RNF169: variants seen among roughly 807,000 people sequenced by gnomAD.
The protein encoded by RNF169 is E3 ubiquitin-protein ligase RNF169.
In RNF169, 24 loss-of-function variants were observed where a neutral mutation model predicts 53.9. The observed-to-expected ratio is 0.45, with a 90% CI of 0.32 to 0.63. The LOEUF (loss-of-function observed/expected upper bound fraction) is 0.63, where lower values mean the gene tolerates loss of function less well. Ranked by LOEUF, RNF169 falls within the 20% of genes least tolerant of loss-of-function variation. The pLI, the probability that RNF169 is intolerant of heterozygous loss-of-function variation, is 0.04. For missense variants in RNF169, 883 were observed against 906.2 expected (o/e 0.97, Z 0.33); for synonymous variants, 396 against 363.5 (o/e 1.09, Z -1.02).
chr11:74,836,568 C>G lies in RNF169; in HGVS notation c.1965C>G (p.Val655=). 6.2e-7 allele frequency: 1 copy of G among 1,614,080 alleles called. No individual in the cohort carries two copies. The highest frequency in any genetic ancestry group is 1.1e-5 in the South Asian group (1 of 91,064). The change falls in exon 6 of 6, where the codon GTC becomes GTG. Residue 655 remains valine (V), a synonymous_variant. Transcript: ENST00000299563. ...TGGGTCTGGCCCCAACAGACCCAGT[C>G]CTGCGAGAGATGGAGCAGAAGCTTC... ...GEVGLAPTDP[V]LREMEQKLQQ...
chr11:74,768,128 G>A (rs2035202583), intron 1 of RNF169, among the ~76,000 whole-genome samples: 1 of 152,172 alleles, frequency 6.6e-6, no homozygotes, highest in Admixed American at 6.5e-5. Flanking sequence ...TGAAGTATTG[G>A]TATCAGGGTG....
At chr11:74,832,952 G>C (rs2036201604) in intron 4 of RNF169, among the ~76,000 whole-genome samples, 1 of 152,058 alleles carries the variant, frequency 6.6e-6, no homozygotes, top group Admixed American at 6.6e-5. Flanking sequence ...TGCTTTTATA[G>C]GGGGATGTTG....
In RNF169 at chr11:74,835,565, C is replaced by T; in HGVS notation, c.962C>T (p.Ala321Val). Residue 321 changes from alanine (A) to valine (V), a missense_variant, in exon 6 of 6, where the codon GCC becomes GTC. Transcript: ENST00000299563. ...NKAKVTTMTP[A>V]SNPIIGVLLS... is the part of the protein sequence containing the mutation. ...TTTCAGGTCACAACTATGACTCCAG[C>T]CTCCAACCCCATCATTGGTGTCCTC... 6.2e-7 allele frequency: 1 copy of T among 1,613,848 alleles called. No homozygotes were observed. Among genetic ancestry groups the T allele is most frequent in the Non-Finnish European group, 8.5e-7 (1 of 1,179,798 alleles).
Position 74,835,891 on chromosome 11 carries a change from A to T in RNF169, c.1288A>T (p.Ile430Phe). 2 of 1,614,186 alleles carry T rather than the reference A, an allele frequency of 1.2e-6. No homozygotes were observed. The highest frequency in any genetic ancestry group is 1.7e-6 in the Non-Finnish European group (2 of 1,180,022). Reference sequence around the variant, plus strand: ...GACTTCTTATGAGGCCAGTCCACGGATCCTCAAAAAGTGGGAACAGATCTT... The same window carrying T: ...GACTTCTTATGAGGCCAGTCCACGGTTCCTCAAAAAGTGGGAACAGATCTT... ...KQTSYEASPR[I>F]LKKWEQIFQE... Residue 430 changes from isoleucine (I) to phenylalanine (F), a missense_variant, in exon 6 of 6, where the codon ATC becomes TTC. Transcript: ENST00000299563.
At chr11:74,815,565 A>AT (rs1188003976) in intron 3 of RNF169, among the ~76,000 whole-genome samples, 3 of 152,214 alleles carry the variant, frequency 2.0e-5, no homozygotes, top group Non-Finnish European at 4.4e-5. Context: ...CCAAAAAAAA[A>AT]GGAACTTGGC....
At chr11:74,817,506 G>C (rs1474310894) in intron 3 of RNF169, 90 bp from the exon 4 acceptor site, 1 of 775,500 alleles carries the variant, frequency 1.3e-6, no homozygotes, top group Non-Finnish European at 2.2e-6. Flanking sequence ...ACAGAGAAGC[G>C]ACATAGAGAA....
rs1297535305 is a variant in RNF169 at position 74,749,232 on chromosome 11, G to T, written c.352G>T (p.Ala118Ser). The T allele has an allele frequency of 1.9e-6, 2 of 1,079,262 alleles. No individual in the cohort carries two copies. Among genetic ancestry groups the T allele is most frequent in the Non-Finnish European group, 2.2e-6 (2 of 892,794 alleles). The allele number at this position is 1,079,262 out of a possible 1,614,324, so 66.9% of individuals were successfully genotyped here. A position where few individuals can be genotyped will look rare whatever the true frequency, so the allele number is the denominator to read the frequency against. ...ARGPGWARRRARDDGQADSEV... is the reference protein window; with the variant it reads ...ARGPGWARRRSRDDGQADSEV... ...CGGCCCAGGCTGGGCCCGCCGTCGG[G>T]CCCGCGACGACGGCCAGGCCGACTC... Residue 118 changes from alanine to serine, a missense_variant, in exon 1 of 6, where the codon GCC becomes TCC. By Grantham distance (99) the Ala-to-Ser change is moderately conservative. This residue lies in a region of RNF169 where 313 missense variants were observed against 279.9 expected (regional missense o/e 1.12). Coordinates refer to ENST00000299563, the MANE Select transcript of RNF169 (RefSeq NM_001098638.2).
At chr11:74,773,376 C>T (rs2035286726) in intron 1 of RNF169, among the ~76,000 whole-genome samples, 1 of 152,168 alleles carries the variant, frequency 6.6e-6, no homozygotes, top group African/African-American at 2.4e-5. Context: ...TCTAATACCT[C>T]TTTAAAGCCT....
chr11:74,760,102 G>T (rs1283993009), intron 1 of RNF169, among the ~76,000 whole-genome samples: 1 of 151,534 alleles, frequency 6.6e-6, no homozygotes, highest in Non-Finnish European at 1.5e-5. Context: ...TTGTGTAGAG[G>T]TGTTTGTAGT....
intron 1 of RNF169, among the ~76,000 whole-genome samples, chr11:74,761,920 C>T (rs1384502301): frequency 6.7e-6 from 1 of 149,682 alleles, no homozygotes; most frequent in African/African-American, 2.5e-5. Flanking sequence ...GTTCCATTCT[C>T]CCCATCACTT....
chr11:74,825,352 TGA>T (rs1487094415), intron 4 of RNF169, among the ~76,000 whole-genome samples: 8 of 152,140 alleles, frequency 5.3e-5, no homozygotes, highest in Admixed American at 5.2e-4. Flanking sequence ...TTAAAACCAG[TGA>T]GCCAAAGAAG....
At chr11:74,803,238 A>G (rs2035759560) in intron 2 of RNF169, among the ~76,000 whole-genome samples, 1 of 151,650 alleles carries the variant, frequency 6.6e-6, no homozygotes, top group Non-Finnish European at 1.5e-5. Flanking sequence ...GGCGCCCACC[A>G]CCACGCCTGG....
intron 2 of RNF169, among the ~76,000 whole-genome samples, chr11:74,809,199 GAATA>G (rs1312719966): frequency 6.6e-6 from 1 of 151,378 alleles, no homozygotes; most frequent in Non-Finnish European, 1.5e-5. Context: ...TTTTTCTTAA[GAATA>G]ATTAAAAATA....
chr11:74,771,576 C>T (rs1365762193), intron 1 of RNF169, among the ~76,000 whole-genome samples: 2 of 151,872 alleles, frequency 1.3e-5, no homozygotes, highest in Non-Finnish European at 2.9e-5. Context: ...TGTTGGTGCA[C>T]ACCTATAGTC....
rs375939142 is a variant in RNF169, at chr11:74,829,831, C to T, written c.843-4845C>T. On this transcript the variant is annotated intron_variant, in intron 4 of 5. Coordinates refer to ENST00000299563, the MANE Select transcript of RNF169 (RefSeq NM_001098638.2). The stretch of plus-strand genomic sequence containing the variant: ...GACACATGTGGGGAAACTGGGGAAA[C>T]AACACACACTGGGGCCTGCAGGAGA... Among the ~76,000 whole-genome samples the T allele has an allele frequency of 8.6e-5, 13 of 151,966 alleles. No individual in the cohort carries two copies. The East Asian group carries it at 2.3e-3, about 27-fold the overall frequency.
chr11:74,828,087 T>C (rs532740235), intron 4 of RNF169, among the ~76,000 whole-genome samples: 21 of 152,184 alleles, frequency 1.4e-4, no homozygotes, highest in Non-Finnish European at 1.9e-4. Flanking sequence ...GAAAACCCCA[T>C]TGTCCCAGCC....
rs147045937 is a variant in RNF169 at position 74,813,260 on chromosome 11, A to C, written c.723+2930A>C. Among the ~76,000 whole-genome samples, 528 of 152,304 alleles carry C rather than the reference A, an allele frequency of 3.5e-3. 1 individual carries two copies. The highest frequency in any genetic ancestry group is 5.2e-3 in the Non-Finnish European group (351 of 68,026). On this transcript the variant is annotated intron_variant, in intron 3 of 5. Coordinates refer to ENST00000299563, the MANE Select transcript of RNF169 (RefSeq NM_001098638.2). ...GTATAGGAAATGTCTTATCCATTTA[A>C]ATCTCCTGTAGTACCCTGCACATTG...
chr11:74,768,870 C>T (rs2035216474), intron 1 of RNF169, among the ~76,000 whole-genome samples: 1 of 151,630 alleles, frequency 6.6e-6, no homozygotes, highest in African/African-American at 2.4e-5. Flanking sequence ...CATAGGGAGA[C>T]CTTGTCTCTA....
At chr11:74,811,150 G>C (rs769615467) in intron 3 of RNF169, among the ~76,000 whole-genome samples, 1 of 152,046 alleles carries the variant, frequency 6.6e-6, no homozygotes, top group Non-Finnish European at 1.5e-5. Context: ...AAAAATCTCT[G>C]GATCAGCAGT....
Sources: gnomAD v4.1 joint callset for allele counts (sites outside exome capture counted in the v4.1 genomes callset) on GRCh38, gnomAD v4.1.1 for gene constraint, gnomAD v4.1.1 regional missense constraint, MANE v1.5 for transcripts, NCBI Gene and HGNC (gene_info 2026-07-23, HGNC 2026-07-21) for gene names.